Variants in PDE10A observed in about 807,000 individuals in gnomAD.
PDE10A encodes phosphodiesterase 10A.
In PDE10A, 39 loss-of-function variants were observed where a neutral mutation model predicts 97.7. That is an observed-to-expected ratio of 0.40 (90% confidence interval 0.31 to 0.52). PDE10A has a LOEUF of 0.52. Among genes scored for constraint, PDE10A ranks in the 20% least tolerant of loss-of-function variants. The probability of loss-of-function intolerance (pLI) is 0.56; values close to 1 mark genes in which losing one functional copy is unlikely to be tolerated. For synonymous variants in PDE10A, 371 were observed against 376.8 expected, an observed-to-expected ratio of 0.98 and a Z score of 0.18; for missense variants, 731 against 1,047.8, an observed-to-expected ratio of 0.70 and a Z score of 4.17.
chr6:165,741,177 T>A (rs1792710851), intron 1 of PDE10A, among the ~76,000 whole-genome samples: 1 of 152,184 alleles, frequency 6.6e-6, no homozygotes, highest in Admixed American at 6.5e-5. Flanking sequence ...TGTTTGTTAA[T>A]AAGCTTGACT....
chr6:165,931,402 C>T (rs1783129923), intron 1 of PDE10A, among the ~76,000 whole-genome samples: 1 of 152,188 alleles, frequency 6.6e-6, no homozygotes, highest in African/African-American at 2.4e-5. Flanking sequence ...ATAAAGGGGC[C>T]ATGGACTGCA....
intron 1 of PDE10A, chr6:165,780,672 G>C (rs185555894): frequency 6.6e-6 from 1 of 152,370 alleles, no homozygotes; most frequent in East Asian, 1.9e-4. Flanking sequence ...TAATTGTCAA[G>C]TCCTTACACG....
At chr6:165,335,157 C>T (rs774863413) in intron 21 of PDE10A, among the ~76,000 whole-genome samples, 2 of 152,118 alleles carry the variant, frequency 1.3e-5, no homozygotes, top group East Asian at 1.9e-4. Flanking sequence ...GGTTCTTAAC[C>T]GAGTTCACTC....
intron 1 of PDE10A, among the ~76,000 whole-genome samples, chr6:165,845,205 C>T (rs1228240512): frequency 2.0e-5 from 3 of 152,158 alleles, no homozygotes; most frequent in Non-Finnish European, 2.9e-5. Context: ...TTCAATGTTA[C>T]AGGGTCTGAT....
At chr6:165,491,203 T>C (rs1163009005) in intron 2 of PDE10A, among the ~76,000 whole-genome samples, 2 of 151,920 alleles carry the variant, frequency 1.3e-5, no homozygotes, top group East Asian at 1.9e-4. Flanking sequence ...AACAGAAAAA[T>C]ATCACAATCC....
chr6:165,345,543 A>G (rs138056833), intron 18 of PDE10A, among the ~76,000 whole-genome samples: 1 of 152,218 alleles, frequency 6.6e-6, no homozygotes, highest in East Asian at 1.9e-4. Flanking sequence ...ACTGAGGTAG[A>G]TCCTTAACTC....
chr6:165,938,916 A>G (rs13201817), intron 1 of PDE10A, among the ~76,000 whole-genome samples: 9,122 of 152,290 alleles, frequency 0.06, 415 homozygotes, highest in South Asian at 0.13. Context: ...AGTAAAGTGG[A>G]CATATGTGCA....
At chr6:165,945,092 G>T (rs1198868303) in intron 1 of PDE10A, among the ~76,000 whole-genome samples, 1 of 152,178 alleles carries the variant, frequency 6.6e-6, no homozygotes, top group Admixed American at 6.5e-5. Flanking sequence ...AGAAGTGAGA[G>T]TGTGTCACTT....
chr6:165,461,867 T>C (rs1778348803), intron 3 of PDE10A, among the ~76,000 whole-genome samples: 2 of 152,250 alleles, frequency 1.3e-5, no homozygotes, highest in Admixed American at 1.3e-4. Context: ...ACTTGCCAAA[T>C]GGTATATTCC....
At chr6:165,438,152 T>C (rs1790161744) in intron 5 of PDE10A, among the ~76,000 whole-genome samples, 1 of 152,178 alleles carries the variant, frequency 6.6e-6, no homozygotes, top group African/African-American at 2.4e-5. Context: ...ACCTTCATCA[T>C]ACACTTCATC....
At chr6:165,392,884 T>C in intron 15 of PDE10A, 88 bp from the exon 16 acceptor site, 1 of 1,156,738 alleles carries the variant, frequency 8.6e-7, no homozygotes, top group Non-Finnish European at 1.3e-6. Context: ...CATATATGTC[T>C]GTACCCTTAT....
rs555423399 is a variant in PDE10A, at chr6:165,582,518, T to C, written c.866-38950A>G. Among the ~76,000 whole-genome samples the C allele has an allele frequency of 3.3e-5, 5 of 152,184 alleles. No homozygotes were observed. The East Asian group carries it at 9.6e-4, about 29-fold the overall frequency. On this transcript the variant is annotated intron_variant, in intron 1 of 21. Transcript: ENST00000539869. Reference sequence around the variant, plus strand: ...TCTAAATAAAATAAATCTACCTATGTTTAAATGCACAATGAAAAAACCACT... The same window carrying C: ...TCTAAATAAAATAAATCTACCTATGCTTAAATGCACAATGAAAAAACCACT...
chr6:165,519,252 G>A (rs962472460), intron 2 of PDE10A, among the ~76,000 whole-genome samples: 3 of 151,852 alleles, frequency 2.0e-5, no homozygotes, highest in Non-Finnish European at 2.9e-5. Context: ...ACCCCCAAGA[G>A]GAAGAATAAA....
At chr6:165,849,187 T>C (rs552173291) in intron 1 of PDE10A, among the ~76,000 whole-genome samples, 5 of 152,202 alleles carry the variant, frequency 3.3e-5, no homozygotes, top group African/African-American at 1.2e-4. Context: ...TACTAGATGT[T>C]TTTTACTGTT....
At chr6:165,965,432 C>G (rs1240648148) in intron 1 of PDE10A, among the ~76,000 whole-genome samples, 1 of 152,062 alleles carries the variant, frequency 6.6e-6, no homozygotes, top group Non-Finnish European at 1.5e-5. Flanking sequence ...GGGCACTGAA[C>G]ACGGGAATAC....
intron 18 of PDE10A, among the ~76,000 whole-genome samples, chr6:165,347,154 G>C (rs1240838107): frequency 6.6e-6 from 1 of 151,696 alleles, no homozygotes; most frequent in East Asian, 1.9e-4. Context: ...ATTGGGTTGA[G>C]TAATTTAAAT....
At chr6:165,445,337 G>A (rs890342033) in intron 5 of PDE10A, among the ~76,000 whole-genome samples, 1 of 152,130 alleles carries the variant, frequency 6.6e-6, no homozygotes, top group South Asian at 2.1e-4. Flanking sequence ...GGAATCCACA[G>A]AAATCTAAAA....
intron 1 of PDE10A, among the ~76,000 whole-genome samples, chr6:165,729,092 C>G (rs1014042524): frequency 1.3e-5 from 2 of 151,646 alleles, no homozygotes; most frequent in African/African-American, 2.4e-5. Context: ...GTCCCAGCTA[C>G]TTGGGAGGCT....
intron 1 of PDE10A, among the ~76,000 whole-genome samples, chr6:165,726,579 C>T (rs950670373): frequency 6.6e-6 from 1 of 150,552 alleles, no homozygotes; most frequent in Non-Finnish European, 1.5e-5. Context: ...GCCCGCTCCC[C>T]CCGGTGGTCC....
Sources: gnomAD v4.1 joint callset for allele counts (sites outside exome capture counted in the v4.1 genomes callset) on GRCh38, gnomAD v4.1.1 for gene constraint, MANE v1.5 for transcripts, NCBI Gene and HGNC (gene_info 2026-07-23, HGNC 2026-07-21) for gene names.